The following PCDH7 variants were observed in gnomAD, a reference collection of about 807,000 sequenced individuals.
PCDH7 encodes the protein protocadherin 7, also known as protocadherin-7.
Under a neutral mutation model 58.9 loss-of-function variants are expected in PCDH7, and 17 were observed. That is an observed-to-expected ratio of 0.29 (90% CI 0.20 to 0.43). The LOEUF (loss-of-function observed/expected upper bound fraction) is 0.43, where lower values mean the gene tolerates loss of function less well. Among genes scored for constraint, PCDH7 ranks in the 20% least tolerant of loss-of-function variants. The pLI is 1.00. For synonymous variants in PCDH7, 664 were observed against 616.4 expected, an observed-to-expected ratio of 1.08 and a Z score of -1.14; for missense variants, 1,274 against 1,441.0, an observed-to-expected ratio of 0.88 and a Z score of 1.88.
At chr4:30,876,162 C>G (rs141508396) in intron 1 of PCDH7, among the ~76,000 whole-genome samples, 13 of 152,222 alleles carry the variant, frequency 8.5e-5, no homozygotes, top group Non-Finnish European at 1.6e-4. Context: ...GAGAAGGTAA[C>G]AGGCTGCAAT....
chr4:30,911,089 A>C (rs1741684413), intron 1 of PCDH7, among the ~76,000 whole-genome samples: 1 of 152,132 alleles, frequency 6.6e-6, no homozygotes, highest in Admixed American at 6.5e-5. Flanking sequence ...GTTCTCACTC[A>C]TAAGTGGGAG....
chr4:31,028,637 A>C (rs919326363), intron 3 of PCDH7, among the ~76,000 whole-genome samples: 1 of 146,158 alleles, frequency 6.8e-6, no homozygotes, highest in African/African-American at 2.7e-5. Context: ...CAGCCTAAGC[A>C]CCAGAACAAG....
chr4:30,788,836 A>T (rs1723753291), intron 1 of PCDH7, among the ~76,000 whole-genome samples: 1 of 152,194 alleles, frequency 6.6e-6, no homozygotes, highest in South Asian at 2.1e-4. Context: ...GTTCATGGGT[A>T]TTCAGACTTT....
chr4:30,822,139 A>G (rs114359963), intron 1 of PCDH7, among the ~76,000 whole-genome samples: 59 of 152,272 alleles, frequency 3.9e-4, no homozygotes, highest in Non-Finnish European at 7.4e-4. Context: ...TCCAGGCATG[A>G]CTAATTAAAC....
chr4:30,830,552 G>A (rs903985954), intron 1 of PCDH7, among the ~76,000 whole-genome samples: 44 of 151,362 alleles, frequency 2.9e-4, no homozygotes, highest in Non-Finnish European at 1.0e-4. Flanking sequence ...TCCGTGTCTG[G>A]CTCTCATTTC....
At chr4:30,780,145 A>G (rs1385065261) in intron 1 of PCDH7, among the ~76,000 whole-genome samples, 2 of 152,206 alleles carry the variant, frequency 1.3e-5, no homozygotes, top group Non-Finnish European at 2.9e-5. Context: ...TATATAGTGC[A>G]TAGTGGTATG....
chr4:30,766,255 G>A (rs1720738737), intron 1 of PCDH7, among the ~76,000 whole-genome samples: 1 of 152,046 alleles, frequency 6.6e-6, no homozygotes, highest in African/African-American at 2.4e-5. Flanking sequence ...ACCCATCCAA[G>A]AAGGGTGGTG....
intron 1 of PCDH7, among the ~76,000 whole-genome samples, chr4:30,728,941 G>A (rs1389642204): frequency 6.6e-6 from 1 of 151,364 alleles, no homozygotes; most frequent in Non-Finnish European, 1.5e-5. Context: ...GATGTTTATA[G>A]ATTAATATGT....
chr4:30,730,954 A>T (rs1577568690), exon 2 of PCDH7: 6 of 1,294,150 alleles, frequency 4.6e-6, no homozygotes, highest in Non-Finnish European at 5.9e-6. Context: ...ATACAGAAAA[A>T]TAGTATGAAA....
intron 3 of PCDH7, among the ~76,000 whole-genome samples, chr4:31,120,378 A>C (rs1423976445): frequency 8.0e-6 from 1 of 124,990 alleles, no homozygotes; most frequent in Non-Finnish European, 1.7e-5. Context: ...TTCTTCCTCA[A>C]GCTTCCTCCA....
chr4:30,930,606 A>G (rs2109425480), intron 2 of PCDH7, among the ~76,000 whole-genome samples: 1 of 152,288 alleles, frequency 6.6e-6, no homozygotes, highest in Admixed American at 6.5e-5. Flanking sequence ...GGGAGAAGTA[A>G]GTTTCAGCGA....
At chr4:30,971,488 T>C (rs1004943371) in intron 3 of PCDH7, among the ~76,000 whole-genome samples, 5 of 152,208 alleles carry the variant, frequency 3.3e-5, no homozygotes, top group African/African-American at 4.8e-5. Flanking sequence ...ATAAATTTGA[T>C]CTGTGTTTTT....
At chr4:30,847,671 G>T (rs1322448243) in intron 1 of PCDH7, among the ~76,000 whole-genome samples, 2 of 152,072 alleles carry the variant, frequency 1.3e-5, no homozygotes, top group Non-Finnish European at 2.9e-5. Flanking sequence ...GACTTTTGCT[G>T]AAATCATAAT....
chr4:30,993,058 C>A (rs1316930098), intron 3 of PCDH7, among the ~76,000 whole-genome samples: 1 of 152,106 alleles, frequency 6.6e-6, no homozygotes, highest in African/African-American at 2.4e-5. Flanking sequence ...CTTGGCCTCC[C>A]AAAGTGCTAG....
chr4:30,986,070 T>C (rs1176968513), intron 3 of PCDH7, among the ~76,000 whole-genome samples: 5 of 152,196 alleles, frequency 3.3e-5, no homozygotes, highest in African/African-American at 1.2e-4. Flanking sequence ...AGCAGGATAA[T>C]TTTTACCTGA....
intron 3 of PCDH7, among the ~76,000 whole-genome samples, chr4:31,124,972 G>T (rs888475048): frequency 1.3e-5 from 2 of 152,164 alleles, no homozygotes; most frequent in Non-Finnish European, 2.9e-5. Context: ...TTCCAAACAT[G>T]GCTTTTCTTT....
At chr4:30,827,414 T>C (rs947753274) in intron 1 of PCDH7, among the ~76,000 whole-genome samples, 2 of 152,140 alleles carry the variant, frequency 1.3e-5, no homozygotes, top group African/African-American at 4.8e-5. Context: ...CTATTATTTG[T>C]TTTTCAAAAA....
At chr4:30,773,854 A>G (rs557662672) in intron 1 of PCDH7, among the ~76,000 whole-genome samples, 2 of 152,190 alleles carry the variant, frequency 1.3e-5, no homozygotes, top group South Asian at 4.1e-4. Context: ...GGTCAGAATT[A>G]TGTCACACAG....
chr4:30,893,589 A>T (rs1396708605), intron 1 of PCDH7, among the ~76,000 whole-genome samples: 1 of 152,110 alleles, frequency 6.6e-6, no homozygotes, highest in Non-Finnish European at 1.5e-5. Context: ...CTTCTGCAGA[A>T]ATGTGAATTG....
Sources: gnomAD v4.1 joint callset for allele counts (sites outside exome capture counted in the v4.1 genomes callset) on GRCh38, gnomAD v4.1.1 for gene constraint, MANE v1.5 for transcripts, NCBI Gene and HGNC (gene_info 2026-07-23, HGNC 2026-07-21) for gene names.